MEMO1: variants seen among roughly 807,000 people sequenced by gnomAD.
MEMO1 encodes the protein mediator of cell motility 1, also known as protein MEMO1.
MEMO1 carries 6 observed loss-of-function variants against 45.2 expected under a neutral mutation model. The ratio of observed to expected loss-of-function variants is 0.13; its 90% CI spans 0.07 to 0.26. The LOEUF (loss-of-function observed/expected upper bound fraction) is 0.26. MEMO1 is among the 10% of genes least tolerant of loss of function. The pLI is 1.00. For synonymous variants in MEMO1, 78 were observed against 124.3 expected, an observed-to-expected ratio of 0.63 and a Z score of 2.48; for missense variants, 184 against 370.5, an observed-to-expected ratio of 0.50 and a Z score of 4.13.
chr2:31,924,944 T>A (rs1027121444), intron 4 of MEMO1, among the ~76,000 whole-genome samples: 1 of 152,218 alleles, frequency 6.6e-6, no homozygotes, highest in African/African-American at 2.4e-5. Context: ...TCATATCACT[T>A]TCCTTGCTTA....
chr2:31,925,821 T>C (rs1683013990), intron 4 of MEMO1, among the ~76,000 whole-genome samples: 1 of 152,184 alleles, frequency 6.6e-6, no homozygotes, highest in Non-Finnish European at 1.5e-5. Flanking sequence ...AAAAGGGAGT[T>C]CCTAATTTCA....
chr2:31,917,646 A>C (rs1165300598), intron 6 of MEMO1, among the ~76,000 whole-genome samples: 1 of 152,260 alleles, frequency 6.6e-6, no homozygotes, highest in Non-Finnish European at 1.5e-5. Context: ...AATGAATAAA[A>C]TACAAGCAAA....
intron 2 of MEMO1, among the ~76,000 whole-genome samples, chr2:31,978,019 G>A (rs1572873972): frequency 6.6e-6 from 1 of 152,088 alleles, no homozygotes; most frequent in Non-Finnish European, 1.5e-5. Flanking sequence ...AGAGTCAGCT[G>A]GTTGAAAAAC....
chr2:31,947,191 G>T (rs748020973), intron 2 of MEMO1, among the ~76,000 whole-genome samples: 16 of 152,196 alleles, frequency 1.1e-4, no homozygotes, highest in Non-Finnish European at 1.8e-4. Context: ...TAAAAGCAAA[G>T]AAAATATACC....
intron 2 of MEMO1, among the ~76,000 whole-genome samples, chr2:31,989,705 T>C (rs557674141): frequency 3.9e-5 from 6 of 152,368 alleles, no homozygotes; most frequent in East Asian, 1.9e-4. Flanking sequence ...ATATATTAAA[T>C]ATATGTAACT....
chr2:31,959,735 A>G (rs1354007315), intron 2 of MEMO1, among the ~76,000 whole-genome samples: 2 of 151,938 alleles, frequency 1.3e-5, no homozygotes, highest in Non-Finnish European at 2.9e-5. Flanking sequence ...CAGAACCTCA[A>G]ATAAAATTCA....
intron 3 of MEMO1, among the ~76,000 whole-genome samples, chr2:31,933,342 AAAAAAAATTTATAT>A (rs1273966242): frequency 6.3e-5 from 3 of 47,338 alleles, no homozygotes; most frequent in African/African-American, 1.8e-4. Flanking sequence ...AAAAAAAAAA[AAAAAAAATTTATAT>A]ATATATATAT....
intron 3 of MEMO1, among the ~76,000 whole-genome samples, chr2:31,933,348 A>AAAAATATATAT (rs1558514269): frequency 1.2e-4 from 2 of 16,182 alleles, no homozygotes; most frequent in African/African-American, 2.4e-4. Context: ...AAAAAAAAAA[A>AAAAATATATAT]ATTTATATAT....
At chr2:31,966,811 C>T (rs1267803200) in intron 2 of MEMO1, among the ~76,000 whole-genome samples, 1 of 151,480 alleles carries the variant, frequency 6.6e-6, no homozygotes, top group Admixed American at 6.6e-5. Context: ...TTGAAAACAA[C>T]CTGAGTAAAC....
At chr2:31,951,995 T>C (rs907462408) in intron 2 of MEMO1, among the ~76,000 whole-genome samples, 9 of 152,200 alleles carry the variant, frequency 5.9e-5, no homozygotes, top group Non-Finnish European at 1.3e-4. Flanking sequence ...TTTGTTTTTA[T>C]GTATCTGATA....
intron 7 of MEMO1, among the ~76,000 whole-genome samples, chr2:31,887,475 A>T (rs1408447858): frequency 1.3e-5 from 2 of 152,186 alleles, no homozygotes; most frequent in African/African-American, 4.8e-5. Context: ...ACTTTCAAAT[A>T]TTTAAGTTAA....
In MEMO1 at chr2:31,995,616, A is replaced by AG. The variant is rs1345815416; in HGVS notation, c.61+14570dup. On this transcript the variant is annotated intron_variant, in intron 2 of 9. Transcript: ENST00000404530. Reference sequence around the variant, plus strand: ...ATTATACAAAAGGAAACAGAAAAAAAGGGGGGGAACATTCTCAGTGAACTG... The same window carrying AG: ...ATTATACAAAAGGAAACAGAAAAAAAGGGGGGGGAACATTCTCAGTGAACTG... 2.0e-5 allele frequency among the ~76,000 whole-genome samples: 3 copies of AG among 152,050 alleles called. No homozygotes were observed. In the East Asian group the frequency reaches 5.8e-4, roughly 29 times the overall value.
At chr2:31,881,632 C>T (rs1468124918) in intron 8 of MEMO1, among the ~76,000 whole-genome samples, 1 of 151,630 alleles carries the variant, frequency 6.6e-6, no homozygotes, top group African/African-American at 2.4e-5. Context: ...TTATTTGCAT[C>T]TGTAAAAATA....
intron 2 of MEMO1, among the ~76,000 whole-genome samples, chr2:31,976,821 T>C (rs528070628): frequency 6.6e-6 from 1 of 152,102 alleles, no homozygotes; most frequent in Non-Finnish European, 1.5e-5. Flanking sequence ...ATAAACGAGA[T>C]TTATGAGACA....
chr2:31,949,149 T>C (rs1666524355), intron 2 of MEMO1, among the ~76,000 whole-genome samples: 1 of 152,192 alleles, frequency 6.6e-6, no homozygotes, highest in Non-Finnish European at 1.5e-5. Context: ...GGAGCCCTTA[T>C]ACACTGTTGG....
At chr2:31,909,279 G>A (rs116299141) in intron 6 of MEMO1, among the ~76,000 whole-genome samples, 112 of 152,230 alleles carry the variant, frequency 7.4e-4, no homozygotes, top group African/African-American at 2.7e-3. Flanking sequence ...GTCAAGAGAA[G>A]AAATAAAGGG....
intron 2 of MEMO1, chr2:31,963,079 C>T: frequency 7.3e-7 from 1 of 1,368,228 alleles, no homozygotes; most frequent in Non-Finnish European, 9.6e-7. Context: ...CTGGCTCTTC[C>T]TAAGTCTTGA....
intron 2 of MEMO1, among the ~76,000 whole-genome samples, chr2:31,972,553 A>G (rs1157030847): frequency 2.6e-5 from 4 of 152,150 alleles, no homozygotes; most frequent in Admixed American, 2.6e-4. Context: ...TCTACTAAAA[A>G]TACCAAAATT....
chr2:31,946,023 G>C (rs372186859), intron 2 of MEMO1, among the ~76,000 whole-genome samples: 2 of 152,168 alleles, frequency 1.3e-5, no homozygotes, highest in African/African-American at 4.8e-5. Context: ...TGTGATACAC[G>C]TGTCATTCTG....
Sources: allele counts gnomAD v4.1 joint callset (sites outside exome capture counted in the v4.1 genomes callset), GRCh38; gene constraint gnomAD v4.1.1; transcripts MANE v1.5; gene names NCBI Gene and HGNC (gene_info 2026-07-23, HGNC 2026-07-21).